The following ELMO1 variants were observed in gnomAD, a reference collection of about 807,000 sequenced individuals.
ELMO1 encodes the protein engulfment and cell motility protein 1.
Under a neutral mutation model 98.9 loss-of-function variants are expected in ELMO1, and 26 were observed. That is an observed-to-expected ratio of 0.26 (90% confidence interval 0.19 to 0.36). The LOEUF is 0.36. Ranked by LOEUF, ELMO1 falls within the 10% of genes least tolerant of loss-of-function variation. The probability of loss-of-function intolerance (pLI) is 1.00; values close to 1 mark genes in which losing one functional copy is unlikely to be tolerated. For synonymous variants in ELMO1, 346 were observed against 346.0 expected, an observed-to-expected ratio of 1.00 and a Z score of 0.00; for missense variants, 627 against 935.2, an observed-to-expected ratio of 0.67 and a Z score of 4.30.
In ELMO1 at chr7:36,877,558, T is replaced by C. The variant is rs115959902; in HGVS notation, c.1822+452A>G. 4.1e-3 allele frequency among the ~76,000 whole-genome samples: 621 copies of C among 152,324 alleles called. 7 individuals are homozygous for C. The highest frequency in any genetic ancestry group is 0.015 in the African/African-American group (608 of 41,574). ...AAGTGTCTTTGAGGTAAACTAGCTA[T>C]ATTTGGCTCTGCCATTAACTCTGTG... On this transcript the variant is annotated intron_variant, in intron 19 of 21. Coordinates refer to ENST00000310758, the MANE Select transcript of ELMO1 (RefSeq NM_014800.11).
At chr7:37,213,777 C>T (rs895391364) in intron 11 of ELMO1, among the ~76,000 whole-genome samples, 5 of 152,162 alleles carry the variant, frequency 3.3e-5, no homozygotes, top group Non-Finnish European at 2.9e-5. Flanking sequence ...TCCAAGACAA[C>T]TGTGGATTTC....
chr7:36,993,391 G>A (rs1791995846), intron 16 of ELMO1, among the ~76,000 whole-genome samples: 1 of 152,178 alleles, frequency 6.6e-6, no homozygotes, highest in African/African-American at 2.4e-5. Flanking sequence ...CCAACTAAGT[G>A]TGTGCCTAGT....
At chr7:37,422,390 T>C (rs371707279) in intron 1 of ELMO1, among the ~76,000 whole-genome samples, 1 of 152,224 alleles carries the variant, frequency 6.6e-6, no homozygotes, top group East Asian at 1.9e-4. Context: ...GCTTAATTCA[T>C]CAGCTTTTTT....
chr7:37,122,115 C>T (rs976332996), intron 14 of ELMO1, among the ~76,000 whole-genome samples: 6 of 152,112 alleles, frequency 3.9e-5, no homozygotes, highest in African/African-American at 1.2e-4. Context: ...AAGGCCTGCC[C>T]TAAAAGAGCT....
At chr7:36,890,127 G>C (rs763625911) in intron 17 of ELMO1, among the ~76,000 whole-genome samples, 4 of 152,178 alleles carry the variant, frequency 2.6e-5, no homozygotes, top group Non-Finnish European at 5.9e-5. Flanking sequence ...GGTCAATCAG[G>C]CCAGGGTCAT....
At chr7:36,899,072 G>A (rs950347929) in intron 16 of ELMO1, among the ~76,000 whole-genome samples, 1 of 152,182 alleles carries the variant, frequency 6.6e-6, no homozygotes, top group Non-Finnish European at 1.5e-5. Context: ...AGGCTTGGAG[G>A]GGGAAGGAGA....
chr7:37,153,767 A>ATC (rs1788527574), intron 13 of ELMO1, among the ~76,000 whole-genome samples: 1 of 152,206 alleles, frequency 6.6e-6, no homozygotes, highest in Non-Finnish European at 1.5e-5. Flanking sequence ...CTGCAGACTT[A>ATC]AACATCTCTA....
chr7:36,929,606 T>G (rs6973810), intron 16 of ELMO1, among the ~76,000 whole-genome samples: 16,230 of 152,168 alleles, frequency 0.11, 983 homozygotes, highest in Middle Eastern at 0.19. Flanking sequence ...CCCAGAATGG[T>G]CAGCACTCAT....
chr7:37,266,931 T>C (rs949358036), intron 5 of ELMO1, among the ~76,000 whole-genome samples: 1 of 151,654 alleles, frequency 6.6e-6, no homozygotes, highest in African/African-American at 2.4e-5. Context: ...GAGAATCACT[T>C]GAACCCAGGA....
intron 16 of ELMO1, among the ~76,000 whole-genome samples, chr7:36,941,423 G>C (rs1787026107): frequency 6.6e-6 from 1 of 152,220 alleles, no homozygotes; most frequent in Non-Finnish European, 1.5e-5. Flanking sequence ...GCAGAAGAAA[G>C]AAAGGGAGTA....
At chr7:37,243,145 C>T (rs974270533) in intron 7 of ELMO1, among the ~76,000 whole-genome samples, 4 of 152,186 alleles carry the variant, frequency 2.6e-5, no homozygotes, top group Admixed American at 1.3e-4. Flanking sequence ...CAATAAAAAT[C>T]ATGAACTACA....
intron 15 of ELMO1, among the ~76,000 whole-genome samples, chr7:37,037,319 C>T (rs1485590549): frequency 6.6e-6 from 1 of 152,182 alleles, no homozygotes; most frequent in Non-Finnish European, 1.5e-5. Flanking sequence ...TTTTCAATAA[C>T]CTTTCATTTA....
At chr7:37,089,752 ACTG>A (rs1159890015) in intron 15 of ELMO1, among the ~76,000 whole-genome samples, 5 of 152,230 alleles carry the variant, frequency 3.3e-5, no homozygotes, top group Non-Finnish European at 5.9e-5. Flanking sequence ...CAGTAAGGAC[ACTG>A]CAGAAAAGAC....
At chr7:37,143,178 G>A (rs191645286) in intron 13 of ELMO1, among the ~76,000 whole-genome samples, 15 of 152,322 alleles carry the variant, frequency 9.8e-5, no homozygotes, top group African/African-American at 3.6e-4. Context: ...CCACCGGGTA[G>A]ATGCTGTCAT....
intron 16 of ELMO1, among the ~76,000 whole-genome samples, chr7:36,992,705 T>C (rs1476969702): frequency 6.6e-6 from 1 of 152,200 alleles, no homozygotes; most frequent in Non-Finnish European, 1.5e-5. Context: ...AGTAAACCTC[T>C]TCCAATTCCA....
At chr7:37,382,638 T>A (rs1180281828) in intron 1 of ELMO1, among the ~76,000 whole-genome samples, 1 of 152,158 alleles carries the variant, frequency 6.6e-6, no homozygotes, top group Non-Finnish European at 1.5e-5. Flanking sequence ...CAAACCTTAC[T>A]AAATTAACCC....
At chr7:37,248,245 C>T (rs1263950409) in intron 6 of ELMO1, among the ~76,000 whole-genome samples, 1 of 151,494 alleles carries the variant, frequency 6.6e-6, no homozygotes, top group African/African-American at 2.4e-5. Flanking sequence ...TTTAGAGAAA[C>T]GTGACTAGAA....
At chr7:36,917,654 G>C (rs1784806902) in intron 16 of ELMO1, among the ~76,000 whole-genome samples, 1 of 152,178 alleles carries the variant, frequency 6.6e-6, no homozygotes. Context: ...GTAAGGAGAT[G>C]GGAACTCTGA....
intron 15 of ELMO1, among the ~76,000 whole-genome samples, chr7:37,070,886 T>C (rs1178673775): frequency 6.6e-6 from 1 of 152,218 alleles, no homozygotes; most frequent in Non-Finnish European, 1.5e-5. Context: ...CATCAAGGAA[T>C]CAGTGCATCA....
Sources: gnomAD v4.1 joint callset for allele counts (sites outside exome capture counted in the v4.1 genomes callset) on GRCh38, gnomAD v4.1.1 for gene constraint, MANE v1.5 for transcripts, NCBI Gene and HGNC (gene_info 2026-07-23, HGNC 2026-07-21) for gene names.